The following PCED1B variants were observed in gnomAD, a reference collection of about 807,000 sequenced individuals.
PCED1B encodes PC-esterase domain-containing protein 1B.
For missense variants in PCED1B, 573 were observed against 573.9 expected (o/e 1.00, Z 0.02); for synonymous variants, 251 against 246.1 (o/e 1.02, Z -0.19).
At chr12:47,186,401 T>C (rs942448629) in intron 2 of PCED1B, among the ~76,000 whole-genome samples, 1 of 152,088 alleles carries the variant, frequency 6.6e-6, no homozygotes, top group East Asian at 1.9e-4. Context: ...TTTGTTTTTG[T>C]AGATTCCTCT....
At chr12:47,149,930 T>G (rs1459434249) in intron 2 of PCED1B, among the ~76,000 whole-genome samples, 1 of 152,194 alleles carries the variant, frequency 6.6e-6, no homozygotes. Context: ...TAAAACATCT[T>G]AAGATATTTC....
intron 1 of PCED1B, among the ~76,000 whole-genome samples, chr12:47,088,526 A>G (rs1051431237): frequency 5.3e-5 from 8 of 152,210 alleles, no homozygotes; most frequent in African/African-American, 1.9e-4. Flanking sequence ...GAGGGTCAGC[A>G]ATCTCAAAAC....
chr12:47,215,113 T>A (rs1943211439), intron 2 of PCED1B, among the ~76,000 whole-genome samples: 1 of 152,102 alleles, frequency 6.6e-6, no homozygotes, highest in African/African-American at 2.4e-5. Flanking sequence ...TCTCTTTTTT[T>A]TCTGATTCAT....
chr12:47,115,603 T>A (rs909951542), intron 2 of PCED1B, among the ~76,000 whole-genome samples: 1 of 152,188 alleles, frequency 6.6e-6, no homozygotes, highest in Non-Finnish European at 1.5e-5. Flanking sequence ...ATTCTAGAAA[T>A]GTTTCAGATT....
intron 2 of PCED1B, among the ~76,000 whole-genome samples, chr12:47,212,074 CAAAAAAAA>C (rs34413650): frequency 7.8e-5 from 7 of 89,176 alleles, no homozygotes; most frequent in Non-Finnish European, 1.5e-4. Context: ...GACTCCGTCT[CAAAAAAAA>C]AAAAAAAAAA....
chr12:47,224,732 A>C (rs1240044328), intron 3 of PCED1B, among the ~76,000 whole-genome samples: 1 of 152,174 alleles, frequency 6.6e-6, no homozygotes, highest in African/African-American at 2.4e-5. Flanking sequence ...CAGGGGAATC[A>C]TGGTTGTTGT....
intron 2 of PCED1B, among the ~76,000 whole-genome samples, chr12:47,126,023 TG>T (rs1247991429): frequency 6.6e-6 from 1 of 152,106 alleles, no homozygotes; most frequent in Non-Finnish European, 1.5e-5. Flanking sequence ...TTGCATTGCT[TG>T]ATACTCTAGT....
At chr12:47,153,213 G>A (rs1941062578) in intron 2 of PCED1B, among the ~76,000 whole-genome samples, 1 of 151,780 alleles carries the variant, frequency 6.6e-6, no homozygotes, top group East Asian at 1.9e-4. Context: ...AGCTGGGTGT[G>A]GTGGCGGGCG....
intron 3 of PCED1B, among the ~76,000 whole-genome samples, chr12:47,231,407 GC>G (rs58129895): frequency 1 from 152,092 of 152,194 alleles, 75,995 homozygotes; most frequent in Middle Eastern, 1. Flanking sequence ...TGGAGAGGGT[GC>G]TAAAGCTAGT....
intron 3 of PCED1B, among the ~76,000 whole-genome samples, chr12:47,231,600 C>T (rs1943809722): frequency 6.6e-6 from 1 of 152,168 alleles, no homozygotes; most frequent in Admixed American, 6.5e-5. Context: ...ACCGCTGCTT[C>T]ACAAGCATCT....
intron 2 of PCED1B, among the ~76,000 whole-genome samples, chr12:47,184,928 T>C (rs926665483): frequency 3.3e-5 from 5 of 152,196 alleles, no homozygotes; most frequent in African/African-American, 1.2e-4. Context: ...TGGAGTTATT[T>C]TTCTTACCTA....
chr12:47,230,544 G>A (rs1943774077), intron 3 of PCED1B, among the ~76,000 whole-genome samples: 1 of 151,808 alleles, frequency 6.6e-6, no homozygotes, highest in Non-Finnish European at 1.5e-5. Context: ...CCCAGGTTCA[G>A]GGGATCTCCC....
chr12:47,202,887 A>C (rs1592277803), intron 2 of PCED1B, among the ~76,000 whole-genome samples: 1 of 151,918 alleles, frequency 6.6e-6, no homozygotes, highest in African/African-American at 2.4e-5. Context: ...AATTGTTCCC[A>C]ATACTGAGGC....
intron 3 of PCED1B, among the ~76,000 whole-genome samples, chr12:47,232,079 C>G (rs1943825660): frequency 6.6e-6 from 1 of 152,130 alleles, no homozygotes; most frequent in African/African-American, 2.4e-5. Flanking sequence ...TTTTATACTC[C>G]CTATGTGGAG....
rs967719452 is a variant in PCED1B, at chr12:47,141,398, A to G, written c.-526+37203A>G. On this transcript the variant is annotated intron_variant, in intron 2 of 3. Coordinates refer to ENST00000546455, the MANE Select transcript of PCED1B (RefSeq NM_138371.3). ...CCAACTGTGGTCCTGTGACAGTATC[A>G]GAAACATTCTGTTCCTCTGTGGACT... Among the ~76,000 whole-genome samples the G allele has an allele frequency of 2.0e-5, 3 of 152,168 alleles. No homozygotes were observed. In the South Asian group the frequency reaches 6.2e-4, roughly 32 times the overall value.
intron 2 of PCED1B, among the ~76,000 whole-genome samples, chr12:47,152,229 A>G (rs1941019251): frequency 6.6e-6 from 1 of 152,236 alleles, no homozygotes. Context: ...TTTAGTTACA[A>G]CAGGGAAAAA....
chr12:47,191,964 A>G (rs1188527026), intron 2 of PCED1B, among the ~76,000 whole-genome samples: 1 of 152,160 alleles, frequency 6.6e-6, no homozygotes, highest in African/African-American at 2.4e-5. Flanking sequence ...TGCCACAGAA[A>G]TGATTGACTG....
chr12:47,221,938 C>A (rs1328452727), intron 3 of PCED1B, among the ~76,000 whole-genome samples: 2 of 151,482 alleles, frequency 1.3e-5, no homozygotes, highest in Non-Finnish European at 2.9e-5. Flanking sequence ...CCTGTCTCCA[C>A]AAAAAATTTT....
At chr12:47,188,252 T>A (rs1010343890) in intron 2 of PCED1B, among the ~76,000 whole-genome samples, 11 of 152,270 alleles carry the variant, frequency 7.2e-5, no homozygotes, top group African/African-American at 2.4e-4. Context: ...AATAAATAAA[T>A]TATTAAAGGC....
Sources: allele counts gnomAD v4.1 joint callset (sites outside exome capture counted in the v4.1 genomes callset), GRCh38; gene constraint gnomAD v4.1.1; transcripts MANE v1.5; gene names NCBI Gene and HGNC (gene_info 2026-07-23, HGNC 2026-07-21).